Variants in RAB11FIP4 observed in about 807,000 individuals in gnomAD.
The protein encoded by RAB11FIP4 is rab11 family-interacting protein 4.
A neutral mutation model predicts 74.3 loss-of-function variants in RAB11FIP4; 23 were observed. That is an observed-to-expected ratio of 0.31 (90% CI 0.22 to 0.44). The LOEUF is 0.44. Among genes scored for constraint, RAB11FIP4 ranks in the 20% least tolerant of loss-of-function variants. RAB11FIP4 has a pLI of 1.00. For missense variants in RAB11FIP4, 630 were observed against 863.9 expected, an observed-to-expected ratio of 0.73 and a Z score of 3.39; for synonymous variants, 360 against 359.9, an observed-to-expected ratio of 1.00 and a Z score of 0.00.
chr17:31,427,609 C>T (rs1353978942), intron 1 of RAB11FIP4, among the ~76,000 whole-genome samples: 2 of 152,232 alleles, frequency 1.3e-5, no homozygotes, highest in African/African-American at 4.8e-5. Context: ...CCTCATCAGT[C>T]AGTCAGCACT....
At position 31,537,350 on chromosome 17, in the gene RAB11FIP4, CTT is replaced by C. The variant is rs1014036504; in HGVS notation, c.*5620_*5621del. On this transcript the variant is annotated 3_prime_UTR_variant, in exon 15 of 15. Coordinates refer to ENST00000621161, the MANE Select transcript of RAB11FIP4 (RefSeq NM_032932.6). ...CTCGCTCAGCCTGTAGACTTGGTAA[CTT>C]TGTACAGAATCTTTCATTATTGTCT... 2.5e-6 allele frequency: 1 copy of C among 397,794 alleles called. No individual in the cohort carries two copies. Among genetic ancestry groups the C allele is most frequent in the Non-Finnish European group, 4.4e-6 (1 of 225,902 alleles). 24.6% of individuals were successfully genotyped at this position (397,794 alleles called of 1,614,324 possible).
At chr17:31,417,644 C>T (rs1401249467) in intron 1 of RAB11FIP4, among the ~76,000 whole-genome samples, 1 of 152,168 alleles carries the variant, frequency 6.6e-6, no homozygotes, top group Non-Finnish European at 1.5e-5. Flanking sequence ...GGAATGCAGC[C>T]TAGGTGGGGC....
At chr17:31,434,870 G>C (rs769472707) in intron 3 of RAB11FIP4, among the ~76,000 whole-genome samples, 1 of 152,328 alleles carries the variant, frequency 6.6e-6, no homozygotes, top group South Asian at 2.1e-4. Flanking sequence ...ACCAGCACCC[G>C]GGCTCTCTGC....
rs1245729097 is a variant in RAB11FIP4 at position 31,528,528 on chromosome 17, G to A, written c.1479G>A (p.Arg493=). The A allele has an allele frequency of 6.2e-7, 1 of 1,613,746 alleles. No individual in the cohort carries two copies. Among genetic ancestry groups the A allele is most frequent in the Non-Finnish European group, 8.5e-7 (1 of 1,180,038 alleles). Residue 493 remains arginine, a synonymous_variant, in exon 12 of 15, where the codon CGG becomes CGA. Coordinates refer to ENST00000621161, the MANE Select transcript of RAB11FIP4 (RefSeq NM_032932.6). ...ACCGCCTTGAGTTCCAGAAGGAGCG[G>A]GAGGCGACGCAGGAGGTAGGTCCCA... is the stretch of plus-strand genomic sequence containing the variant. ...RQNRLEFQKE[R]EATQELIEDL... is the part of the protein sequence containing the mutation.
chr17:31,444,903 C>T (rs548613717), intron 3 of RAB11FIP4, among the ~76,000 whole-genome samples: 1 of 152,310 alleles, frequency 6.6e-6, no homozygotes, highest in East Asian at 1.9e-4. Context: ...CTGCTTCCCT[C>T]ATTAATGAGT....
intron 3 of RAB11FIP4, among the ~76,000 whole-genome samples, chr17:31,510,316 A>G (rs1315743856): frequency 1.3e-5 from 2 of 152,170 alleles, no homozygotes; most frequent in Non-Finnish European, 2.9e-5. Context: ...AGCCCTGGCA[A>G]CCGCTGGACT....
intron 1 of RAB11FIP4, among the ~76,000 whole-genome samples, chr17:31,415,819 G>A (rs1343366002): frequency 6.6e-6 from 1 of 152,096 alleles, no homozygotes; most frequent in East Asian, 1.9e-4. Context: ...CCTGCGGACG[G>A]TCTCCGCAGC....
chr17:31,438,143 A>T (rs569312226), intron 3 of RAB11FIP4, among the ~76,000 whole-genome samples: 2 of 152,008 alleles, frequency 1.3e-5, no homozygotes, highest in East Asian at 3.9e-4. Context: ...TCCCTCTGAG[A>T]CTGTCCTGCT....
intron 3 of RAB11FIP4, among the ~76,000 whole-genome samples, chr17:31,466,228 C>T (rs1180789214): frequency 5.9e-5 from 9 of 152,078 alleles, no homozygotes; most frequent in Non-Finnish European, 7.4e-5. Flanking sequence ...GACAGTGGGT[C>T]CCAGGGGAAG....
At chr17:31,475,214 AGGTCACTGGGCAT>A (rs1296713498) in intron 3 of RAB11FIP4, among the ~76,000 whole-genome samples, 2 of 129,772 alleles carry the variant, frequency 1.5e-5, no homozygotes, top group African/African-American at 5.8e-5. Context: ...GCTGGTGGGG[AGGTCACTGGGCAT>A]GGTCACTGGC....
In RAB11FIP4 at chr17:31,538,044, G is replaced by A. The variant is rs1198330137; in HGVS notation, c.*6312G>A. On this transcript the variant is annotated 3_prime_UTR_variant, in exon 15 of 15. Transcript: ENST00000621161. ...AGTGCTGGGGTGGGACCTGCCCTGT[G>A]GGCCCCAGGGAGGGGACAGTGGGGG... The A allele has an allele frequency of 6.6e-6, 1 of 152,338 alleles. No homozygotes were observed. Among genetic ancestry groups the A allele is most frequent in the Non-Finnish European group, 1.5e-5 (1 of 68,124 alleles). 9.4% of individuals were successfully genotyped at this position (152,338 alleles called of 1,614,324 possible). A position where few individuals can be genotyped will look rare whatever the true frequency, so the allele number is the denominator to read the frequency against.
At chr17:31,498,845 C>A (rs183114044) in intron 3 of RAB11FIP4, among the ~76,000 whole-genome samples, 2 of 152,324 alleles carry the variant, frequency 1.3e-5, no homozygotes, top group Admixed American at 1.3e-4. Flanking sequence ...CCTCCCAAAC[C>A]TTCACTTTGA....
chr17:31,407,608 G>A (rs75945814), intron 1 of RAB11FIP4, among the ~76,000 whole-genome samples: 5,118 of 152,208 alleles, frequency 0.034, 147 homozygotes, highest in Non-Finnish European at 0.054. Flanking sequence ...GAGGAGTCCA[G>A]GCCAGTTGTC....
intron 10 of RAB11FIP4, chr17:31,527,516 G>A (rs746870093): frequency 2.2e-4 from 55 of 251,400 alleles, no homozygotes; most frequent in Middle Eastern, 2.6e-3. Context: ...CACGAGAATT[G>A]CTGAAGGAGT....
In RAB11FIP4 at chr17:31,523,622, G is replaced by A; in HGVS notation, c.1029+11G>A. 6.2e-7 allele frequency: 1 copy of A among 1,610,666 alleles called. No homozygotes were observed. The highest frequency in any genetic ancestry group is 8.5e-7 in the Non-Finnish European group (1 of 1,176,884). ...GACATCACAGAGAAGGTGGGCCTTG[G>A]GTGGCTGGAGAAGGGACTGAATGCA... On this transcript the variant is annotated intron_variant, in intron 8 of 14. Coordinates refer to ENST00000621161, the MANE Select transcript of RAB11FIP4 (RefSeq NM_032932.6).
chr17:31,537,225 G>A lies in RAB11FIP4; in HGVS notation c.*5493G>A, dbSNP rs1250925722. ...TCGTCTCATCTCCCTGGCCTTTCCC[G>A]AGCCCTGTAAATGTGTACTTTTTCA... On this transcript the variant is annotated 3_prime_UTR_variant, in exon 15 of 15. Coordinates refer to ENST00000621161, the MANE Select transcript of RAB11FIP4 (RefSeq NM_032932.6). 4 of 399,144 alleles carry A rather than the reference G, an allele frequency of 1.0e-5. No individual in the cohort carries two copies. Among genetic ancestry groups the A allele is most frequent in the Admixed American group, 4.4e-5 (1 of 22,708 alleles). The allele number at this position is 399,144 out of a possible 1,614,324, so 24.7% of individuals were successfully genotyped here.
chr17:31,398,849 GGAGCCCAGGAACCTGGGAACGGGGGC>G lies in RAB11FIP4; in HGVS notation c.159+6841_159+6866del, dbSNP rs112905283. Among the ~76,000 whole-genome samples the G allele has an allele frequency of 4.3e-3, 653 of 152,260 alleles. 5 individuals carry two copies. Among genetic ancestry groups the G allele is most frequent in the African/African-American group, 0.015 (624 of 41,558 alleles). Reference sequence around the variant, plus strand: ...GCCTGGGCTGGTGGGCGGGGAGTAGGGAGCCCAGGAACCTGGGAACGGGGGCGATGGCTACAAAGCCACCCCTTTTT... The same window carrying G: ...GCCTGGGCTGGTGGGCGGGGAGTAGGGATGGCTACAAAGCCACCCCTTTTT... On this transcript the variant is annotated intron_variant, in intron 1 of 14. Coordinates refer to ENST00000621161, the MANE Select transcript of RAB11FIP4 (RefSeq NM_032932.6).
chr17:31,465,115 A>T (rs942347628), intron 3 of RAB11FIP4, among the ~76,000 whole-genome samples: 1 of 152,058 alleles, frequency 6.6e-6, no homozygotes, highest in Non-Finnish European at 1.5e-5. Context: ...GGGGTGACAT[A>T]TTCATCTTAC....
chr17:31,506,466 C>T (rs974638736), intron 3 of RAB11FIP4, among the ~76,000 whole-genome samples: 2 of 152,176 alleles, frequency 1.3e-5, no homozygotes, highest in African/African-American at 4.8e-5. Context: ...CCTTACTGTG[C>T]AATAGAACAC....
Sources: allele counts gnomAD v4.1 joint callset (sites outside exome capture counted in the v4.1 genomes callset), GRCh38; gene constraint gnomAD v4.1.1; transcripts MANE v1.5; gene names NCBI Gene and HGNC (gene_info 2026-07-23, HGNC 2026-07-21).